MOV10L1: variants seen among roughly 807,000 people sequenced by gnomAD.
MOV10L1 encodes RNA helicase Mov10l1.
Under a neutral mutation model 143.8 loss-of-function variants are expected in MOV10L1, and 110 were observed. The ratio of observed to expected loss-of-function variants is 0.76; its 90% CI spans 0.66 to 0.90. The LOEUF (loss-of-function observed/expected upper bound fraction) is 0.90, where lower values mean the gene tolerates loss of function less well. MOV10L1 is among the 40% of genes least tolerant of loss of function. The pLI is 0.00. For synonymous variants in MOV10L1, 593 were observed against 581.1 expected (o/e 1.02, Z -0.29); for missense variants, 1,406 against 1,526.8 (o/e 0.92, Z 1.32).
At chr22:50,145,482 G>A (rs199560002) in intron 18 of MOV10L1, among the ~76,000 whole-genome samples, 1 of 152,164 alleles carries the variant, frequency 6.6e-6, no homozygotes, top group African/African-American at 2.4e-5. Context: ...TTTTGGGGAA[G>A]GGTCTGCAGG....
intron 2 of MOV10L1, chr22:50,095,914 C>T (rs1358708826): frequency 6.6e-6 from 1 of 151,970 alleles, no homozygotes; most frequent in East Asian, 1.9e-4. Flanking sequence ...TAGTTTCTGT[C>T]CCTTTGCTAT....
rs1258023806 is a variant in MOV10L1 at position 50,090,032 on chromosome 22, C to T, written c.-57C>T. On this transcript the variant is annotated 5_prime_UTR_variant, in exon 1 of 27. Transcript: ENST00000262794. ...TTGGTGGCGGGCGGCGGGAGCGGCG[C>T]GGGCGCGTGCGGGCGGCGGCAGCGG... is the stretch of plus-strand genomic sequence containing the variant. The T allele has an allele frequency of 1.5e-5, 17 of 1,164,500 alleles. No homozygotes were observed. The highest frequency in any genetic ancestry group is 1.8e-5 in the Non-Finnish European group (17 of 942,508). The allele number at this position is 1,164,500 out of a possible 1,614,324, so 72.1% of individuals were successfully genotyped here. A position where few individuals can be genotyped will look rare whatever the true frequency, so the allele number is the denominator to read the frequency against.
rs747325625 is a variant in MOV10L1 at position 50,117,320 on chromosome 22, A to G, written c.1423A>G (p.Lys475Glu). The G allele has an allele frequency of 2.5e-6, 4 of 1,614,136 alleles. No individual in the cohort carries two copies. Among genetic ancestry groups the G allele is most frequent in the Non-Finnish European group, 3.4e-6 (4 of 1,180,014 alleles). ...AAGTTCACAAGCGTTAACATCCGCA[A>G]AAACTACAGTTGTTGTGACCGCACA... The part of the protein sequence containing the change: ...LKSSQALTSA[K>E]TTVVVTAQKR... The change falls in exon 9 of 27, where the codon AAA (lysine) becomes GAA (glutamate). Residue 475 changes from lysine to glutamate, a missense_variant. Physicochemically the swap from Lys to Glu is moderately conservative, Grantham distance 56 (BLOSUM62 1). Coordinates refer to ENST00000262794, the MANE Select transcript of MOV10L1 (RefSeq NM_018995.3).
intron 1 of MOV10L1, chr22:50,090,513 G>T: frequency 6.2e-7 from 1 of 1,608,706 alleles, no homozygotes; most frequent in Non-Finnish European, 8.5e-7. Flanking sequence ...ATTGGCGGTG[G>T]TGTGTCTAGA....
At position 50,153,027 on chromosome 22, in the gene MOV10L1, A is replaced by T. The variant is rs367783302; in HGVS notation, c.2893-18A>T. On this transcript the variant is annotated intron_variant, in intron 21 of 26. Transcript: ENST00000262794. The stretch of plus-strand genomic sequence containing the variant: ...GGGTACCACCTTCCCCTTGTGACCC[A>T]TCACCATCTCCTCGCAGGTCACAAA... The T allele has an allele frequency of 8.2e-6, 13 of 1,584,588 alleles. No individual in the cohort carries two copies. The highest frequency in any genetic ancestry group is 1.1e-5 in the Non-Finnish European group (13 of 1,158,992).
At chr22:50,117,706 AGT>A (rs2062220269) in intron 9 of MOV10L1, among the ~76,000 whole-genome samples, 1 of 152,188 alleles carries the variant, frequency 6.6e-6, no homozygotes, top group Admixed American at 6.5e-5. Flanking sequence ...CATGGTGTGT[AGT>A]GCACGGCATC....
rs1276287184 is a variant in MOV10L1 at position 50,135,699 on chromosome 22, C to T, written c.2070+1069C>T. Among the ~76,000 whole-genome samples, 19 of 148,256 alleles carry T rather than the reference C, an allele frequency of 1.3e-4. No individual in the cohort carries two copies. In the South Asian group the frequency reaches 2.6e-3, roughly 20 times the overall value. On this transcript the variant is annotated intron_variant, in intron 15 of 26. Coordinates refer to ENST00000262794, the MANE Select transcript of MOV10L1 (RefSeq NM_018995.3). ...CCAGGAGGCAGAGGTTGCAGTGAGC[C>T]GAGATCACGCCACTGCACTCCAGCC...
At chr22:50,143,371 T>G (rs1245394394) in intron 17 of MOV10L1, 150 bp downstream of exon 17, 1 of 918,830 alleles carries the variant, frequency 1.1e-6, no homozygotes, top group Non-Finnish European at 1.7e-6. Flanking sequence ...AAGTCTGTTT[T>G]TGTGGATATG....
Position 50,113,708 on chromosome 22 carries a change from A to G in MOV10L1, c.804A>G (p.Lys268=), listed in dbSNP as rs1363784257. The change falls in exon 6 of 27, where the codon AAA becomes AAG. Residue 268 remains lysine, a synonymous_variant. Transcript: ENST00000262794. ...HFYGTILLKN[K]GDIEVTQVTH... Reference sequence around the variant, plus strand: ...ATGGAACGATTTTGCTGAAGAACAAAGGTGATATTGAAGTTACACAGGTGA... The same window carrying G: ...ATGGAACGATTTTGCTGAAGAACAAGGGTGATATTGAAGTTACACAGGTGA... The G allele has an allele frequency of 6.2e-7, 1 of 1,614,122 alleles. No individual in the cohort carries two copies.
At chr22:50,099,673 C>A in intron 3 of MOV10L1, 71 bp downstream of exon 3, 2 of 1,514,242 alleles carry the variant, frequency 1.3e-6, no homozygotes, top group Non-Finnish European at 1.8e-6. Flanking sequence ...ATGGACCAGG[C>A]ACGGTGGCTC....
At chr22:50,143,569 C>G (rs1283088326) in intron 17 of MOV10L1, among the ~76,000 whole-genome samples, 1 of 152,200 alleles carries the variant, frequency 6.6e-6, no homozygotes, top group Non-Finnish European at 1.5e-5. Context: ...AAACTATTGT[C>G]TACAGATGCT....
At chr22:50,115,430 G>A (rs921614582) in intron 8 of MOV10L1, among the ~76,000 whole-genome samples, 184 bp downstream of exon 8, 1 of 152,116 alleles carries the variant, frequency 6.6e-6, no homozygotes, top group Non-Finnish European at 1.5e-5. Context: ...TTGGGCCCCT[G>A]TAGTCCTAGC....
chr22:50,145,614 C>T (rs879085974), intron 18 of MOV10L1, 75 bp from the exon 19 acceptor site: 1 of 1,577,656 alleles, frequency 6.3e-7, no homozygotes, highest in African/African-American at 1.3e-5. Flanking sequence ...GAAGTGGTAC[C>T]AGGGCAAGGT....
At chr22:50,115,337 G>T (rs2062142823) in intron 8 of MOV10L1, 91 bp downstream of exon 8, 3 of 1,363,238 alleles carry the variant, frequency 2.2e-6, no homozygotes, top group Admixed American at 3.0e-5. Flanking sequence ...CTTTGTGGCG[G>T]GTGGATCACC....
intron 5 of MOV10L1, among the ~76,000 whole-genome samples, chr22:50,111,486 CTTTTTTTT>C (rs529438045): frequency 5.1e-5 from 3 of 59,148 alleles, no homozygotes; most frequent in African/African-American, 1.5e-4. Flanking sequence ...TCTGTCTTTG[CTTTTTTTT>C]TTTTTTTTTT....
intron 9 of MOV10L1, among the ~76,000 whole-genome samples, chr22:50,119,177 A>G (rs564832431): frequency 3.3e-5 from 5 of 152,168 alleles, no homozygotes; most frequent in African/African-American, 1.2e-4. Flanking sequence ...CTGGTCAGTT[A>G]CTTCCCCGTG....
At chr22:50,116,028 T>C (rs1373821034) in intron 8 of MOV10L1, among the ~76,000 whole-genome samples, 1 of 152,220 alleles carries the variant, frequency 6.6e-6, no homozygotes, top group East Asian at 1.9e-4. Context: ...CCTGTGTCCC[T>C]GCATCCCTGC....
At position 50,119,663 on chromosome 22, in the gene MOV10L1, C is replaced by T. The variant is rs541395524; in HGVS notation, c.1455-839C>T. ...TAGTAATCAATGCTTTCCAAATACA[C>T]CTCGCATGTGAGCGCTGACATAACC... On this transcript the variant is annotated intron_variant, in intron 9 of 26. Coordinates refer to ENST00000262794, the MANE Select transcript of MOV10L1 (RefSeq NM_018995.3). Among the ~76,000 whole-genome samples the T allele has an allele frequency of 2.0e-5, 3 of 150,368 alleles. No homozygotes were observed. The Admixed American group carries it at 2.0e-4, about 10-fold the overall frequency.
intron 15 of MOV10L1, among the ~76,000 whole-genome samples, chr22:50,135,898 C>T (rs2062812019): frequency 6.6e-6 from 1 of 151,842 alleles, no homozygotes; most frequent in Non-Finnish European, 1.5e-5. Context: ...TTTCTAGTAA[C>T]AAGAAAATCA....
Sources: gnomAD v4.1 joint callset for allele counts (sites outside exome capture counted in the v4.1 genomes callset) on GRCh38, gnomAD v4.1.1 for gene constraint, MANE v1.5 for transcripts, NCBI Gene and HGNC (gene_info 2026-07-23, HGNC 2026-07-21) for gene names.